JMJD1C: variants seen among roughly 807,000 people sequenced by gnomAD.
JMJD1C encodes jumonji domain containing 1C, also known as jumonji domain-containing protein 1C.
A neutral mutation model predicts 245.3 loss-of-function variants in JMJD1C; 31 were observed. The observed-to-expected ratio is 0.13, with a 90% CI of 0.09 to 0.17. The LOEUF is 0.17. Among genes scored for constraint, JMJD1C ranks in the 10% least tolerant of loss-of-function variants. The pLI, the probability that JMJD1C is intolerant of heterozygous loss-of-function variation, is 1.00. For missense variants in JMJD1C, 2,691 were observed against 3,000.2 expected, an observed-to-expected ratio of 0.90 and a Z score of 2.41; for synonymous variants, 1,057 against 1,017.4, an observed-to-expected ratio of 1.04 and a Z score of -0.74.
intron 1 of JMJD1C, among the ~76,000 whole-genome samples, chr10:63,436,281 A>G (rs911683909): frequency 6.6e-6 from 1 of 152,240 alleles, no homozygotes; most frequent in Non-Finnish European, 1.5e-5. Context: ...AGGAATAACA[A>G]TTCTTCAATT....
chr10:63,363,139 A>T (rs1945531023), intron 2 of JMJD1C, among the ~76,000 whole-genome samples: 1 of 151,796 alleles, frequency 6.6e-6, no homozygotes. Flanking sequence ...TAAAGCCAGA[A>T]CCTCTACTGT....
chr10:63,203,726 CA>C, intron 10 of JMJD1C: 5 of 981,340 alleles, frequency 5.1e-6, no homozygotes, highest in Non-Finnish European at 4.8e-6. Flanking sequence ...GTAGATAAGA[CA>C]AAATCTATTA....
chr10:63,191,793 T>TGGC (rs1443913974), intron 16 of JMJD1C, among the ~76,000 whole-genome samples: 1 of 151,696 alleles, frequency 6.6e-6, no homozygotes, highest in Non-Finnish European at 1.5e-5. Context: ...AAGACCAACC[T>TGGC]GGCCAACATG....
At chr10:63,303,586 G>GT (rs1564758327) in intron 2 of JMJD1C, among the ~76,000 whole-genome samples, 1 of 152,096 alleles carries the variant, frequency 6.6e-6, no homozygotes, top group African/African-American at 2.4e-5. Flanking sequence ...TATTACAGGC[G>GT]TGATCCACCA....
At chr10:63,380,693 G>A (rs1455651231) in intron 1 of JMJD1C, among the ~76,000 whole-genome samples, 2 of 152,094 alleles carry the variant, frequency 1.3e-5, no homozygotes, top group Non-Finnish European at 2.9e-5. Context: ...TCCTCTTCTA[G>A]CTATTTTGAA....
intron 1 of JMJD1C, among the ~76,000 whole-genome samples, chr10:63,472,558 C>G (rs1004263099): frequency 7.3e-5 from 11 of 151,718 alleles, no homozygotes; most frequent in Non-Finnish European, 2.9e-5. Flanking sequence ...TCTCTAACTC[C>G]TGACCTCAAG....
chr10:63,356,258 G>C (rs750642554), intron 2 of JMJD1C, among the ~76,000 whole-genome samples: 1 of 151,968 alleles, frequency 6.6e-6, no homozygotes, highest in African/African-American at 2.4e-5. Flanking sequence ...CAAACACAAC[G>C]TTATGTCTGA....
intron 1 of JMJD1C, 141 bp downstream of exon 1, chr10:63,465,353 CA>C: frequency 1.2e-6 from 1 of 861,578 alleles, no homozygotes; most frequent in Non-Finnish European, 1.7e-6. Flanking sequence ...GGGATGCGGG[CA>C]AACGCGCCAA....
At chr10:63,173,288 A>G (rs1168901879) in intron 24 of JMJD1C, among the ~76,000 whole-genome samples, 1 of 152,216 alleles carries the variant, frequency 6.6e-6, no homozygotes, top group South Asian at 2.1e-4. Flanking sequence ...TTGCATACCC[A>G]AATGTAGGAC....
intron 1 of JMJD1C, among the ~76,000 whole-genome samples, chr10:63,392,066 C>T (rs998675135): frequency 1.3e-5 from 2 of 152,128 alleles, no homozygotes; most frequent in Non-Finnish European, 2.9e-5. Context: ...TTGCAAACAC[C>T]GTCTCACAGC....
chr10:63,427,929 C>G (rs1376353388), intron 1 of JMJD1C: 8 of 699,142 alleles, frequency 1.1e-5, no homozygotes, highest in Admixed American at 2.0e-5. Flanking sequence ...CACCTAGAAG[C>G]AGCAGCAGCA....
chr10:63,209,369 T>G (rs1564612959), intron 8 of JMJD1C, 134 bp from the exon 9 acceptor site: 1 of 562,010 alleles, frequency 1.8e-6, no homozygotes. Flanking sequence ...TTTGGGAAAC[T>G]TGTAACTTTT....
intron 2 of JMJD1C, among the ~76,000 whole-genome samples, chr10:63,271,026 T>C (rs1180235842): frequency 6.6e-6 from 1 of 152,160 alleles, no homozygotes; most frequent in East Asian, 1.9e-4. Context: ...TATTACAATT[T>C]AATTGAAATG....
At chr10:63,474,868 AG>A (rs1388002156) in intron 1 of JMJD1C, among the ~76,000 whole-genome samples, 1 of 152,052 alleles carries the variant, frequency 6.6e-6, no homozygotes, top group African/African-American at 2.4e-5. Flanking sequence ...AAAAAAAAAA[AG>A]AATGAGTAAT....
chr10:63,236,666 AT>A (rs1459693785), intron 3 of JMJD1C, among the ~76,000 whole-genome samples: 1 of 152,176 alleles, frequency 6.6e-6, no homozygotes, highest in Non-Finnish European at 1.5e-5. Flanking sequence ...ACTGTTTAAT[AT>A]TTTCCAAAGT....
chr10:63,511,582 C>A (rs934832615), intron 1 of JMJD1C, among the ~76,000 whole-genome samples: 1 of 151,988 alleles, frequency 6.6e-6, no homozygotes, highest in Non-Finnish European at 1.5e-5. Flanking sequence ...CAGTGGCAGG[C>A]GCCTGTAATC....
At chr10:63,248,529 GATAAATAA>G (rs373943626) in intron 3 of JMJD1C, among the ~76,000 whole-genome samples, 3,893 of 137,004 alleles carry the variant, frequency 0.028, 134 homozygotes, top group African/African-American at 0.084. Flanking sequence ...TCAATAGATA[GATAAATAA>G]ATAAATAAAT....
chr10:63,212,572 T>C (rs1228829131), intron 8 of JMJD1C, among the ~76,000 whole-genome samples: 1 of 152,188 alleles, frequency 6.6e-6, no homozygotes, highest in Non-Finnish European at 1.5e-5. Context: ...CAATACTGTG[T>C]TAGGCAGACA....
At chr10:63,460,560 T>A (rs1473960677) in intron 1 of JMJD1C, among the ~76,000 whole-genome samples, 1 of 152,112 alleles carries the variant, frequency 6.6e-6, no homozygotes, top group African/African-American at 2.4e-5. Flanking sequence ...ATGGTTAGTA[T>A]GAATTAAAAT....
Sources: gnomAD v4.1 joint callset for allele counts (sites outside exome capture counted in the v4.1 genomes callset) on GRCh38, gnomAD v4.1.1 for gene constraint, MANE v1.5 for transcripts, NCBI Gene and HGNC (gene_info 2026-07-23, HGNC 2026-07-21) for gene names.